Variants in AGAP1 observed in about 807,000 individuals in gnomAD.
AGAP1 encodes the protein ArfGAP with GTPase domain, ankyrin repeat and PH domain 1.
In AGAP1, 29 loss-of-function variants were observed where a neutral mutation model predicts 105.3. The ratio of observed to expected loss-of-function variants is 0.28; its 90% CI spans 0.21 to 0.38. The LOEUF is 0.38. Ranked by LOEUF, AGAP1 falls within the 10% of genes least tolerant of loss-of-function variation. The pLI is 1.00. For missense variants in AGAP1, 998 were observed against 1,165.1 expected, an observed-to-expected ratio of 0.86 and a Z score of 2.09; for synonymous variants, 509 against 485.9, an observed-to-expected ratio of 1.05 and a Z score of -0.63.
At chr2:236,108,669 C>T (rs2059566284) in intron 16 of AGAP1, among the ~76,000 whole-genome samples, 1 of 152,166 alleles carries the variant, frequency 6.6e-6, no homozygotes, top group Non-Finnish European at 1.5e-5. Context: ...CTGGAGTGCA[C>T]TTTCGGGAAG....
rs1020386716 is a variant in AGAP1, at chr2:235,875,412, C to T, written c.1051-7933C>T. Among the ~76,000 whole-genome samples, 1 of 152,138 alleles carries T rather than the reference C, an allele frequency of 6.6e-6. No homozygotes were observed. Among genetic ancestry groups the T allele is most frequent in the African/African-American group, 2.4e-5 (1 of 41,444 alleles). On this transcript the variant is annotated intron_variant, in intron 9 of 17. Transcript: ENST00000304032. This position sits in a 1 kb window ranked among gnomAD's most constrained non-coding sequence, Gnocchi z 4.0. Reference sequence around the variant, plus strand: ...CTGAGAGATCTGATTCCCAGCGGACCGGCCTTCCTCACTCGATGATTGTCA... The same window carrying T: ...CTGAGAGATCTGATTCCCAGCGGACTGGCCTTCCTCACTCGATGATTGTCA...
intron 1 of AGAP1, among the ~76,000 whole-genome samples, chr2:235,526,866 T>A (rs946870581): frequency 6.6e-6 from 1 of 152,140 alleles, no homozygotes; most frequent in African/African-American, 2.4e-5. Flanking sequence ...TGTGGGTGGG[T>A]TGTGTCCAGA....
At chr2:235,524,521 C>A (rs893659496) in intron 1 of AGAP1, 2 of 342,240 alleles carry the variant, frequency 5.8e-6, no homozygotes, top group Non-Finnish European at 6.2e-6. Context: ...GGCCACGGGG[C>A]TGCACCCAGC....
intron 16 of AGAP1, among the ~76,000 whole-genome samples, chr2:236,085,716 G>A (rs1205059393): frequency 6.6e-6 from 1 of 152,230 alleles, no homozygotes; most frequent in African/African-American, 2.4e-5. Context: ...ATTGCCCAGG[G>A]CATGACCAGG....
intron 1 of AGAP1, among the ~76,000 whole-genome samples, chr2:235,704,962 C>CTT (rs796721149): frequency 2.8e-3 from 239 of 85,914 alleles, no homozygotes; most frequent in South Asian, 0.01. Flanking sequence ...ATACAAGATG[C>CTT]TTTTTTCTTT....
At chr2:235,501,389 A>AT (rs1292788879) in intron 1 of AGAP1, among the ~76,000 whole-genome samples, 4 of 152,166 alleles carry the variant, frequency 2.6e-5, no homozygotes, top group Admixed American at 2.0e-4. Context: ...CACTTATTAT[A>AT]TGATAATTTG....
intron 1 of AGAP1, among the ~76,000 whole-genome samples, chr2:235,512,785 A>G (rs1050838990): frequency 5.3e-5 from 8 of 152,180 alleles, no homozygotes; most frequent in African/African-American, 1.7e-4. Context: ...CCTCCTGACC[A>G]TGTAACCTTT....
chr2:235,722,243 T>C (rs749101202), intron 3 of AGAP1, among the ~76,000 whole-genome samples: 11 of 152,176 alleles, frequency 7.2e-5, no homozygotes, highest in Admixed American at 1.3e-4. Flanking sequence ...ACAAACTGGC[T>C]TAAAACAGAA....
rs13427587 is a variant in AGAP1 at position 235,536,874 on chromosome 2, C to A, written c.163+42025C>A. On this transcript the variant is annotated intron_variant, in intron 1 of 17. Coordinates refer to ENST00000304032, the MANE Select transcript of AGAP1 (RefSeq NM_001037131.3). Reference sequence around the variant, plus strand: ...ACCTTTTCTTAGTTTCCAGGGACTGCGGCTTCCTTCCACCTCTCCCTTCCC... The same window carrying A: ...ACCTTTTCTTAGTTTCCAGGGACTGAGGCTTCCTTCCACCTCTCCCTTCCC... Among the ~76,000 whole-genome samples, 5 of 152,272 alleles carry A rather than the reference C, an allele frequency of 3.3e-5. No individual in the cohort carries two copies. The South Asian group carries it at 8.3e-4, about 25-fold the overall frequency.
At chr2:235,748,946 C>T (rs752823141) in intron 5 of AGAP1, among the ~76,000 whole-genome samples, 1 of 152,216 alleles carries the variant, frequency 6.6e-6, no homozygotes, top group African/African-American at 2.4e-5. Context: ...CAGTGGCTCA[C>T]GCCTGTAATC....
chr2:236,103,903 T>TGGCTCCTGTCCCCACCCTGCCC (rs2059421690), intron 16 of AGAP1, among the ~76,000 whole-genome samples: 1 of 152,222 alleles, frequency 6.6e-6, no homozygotes. Context: ...CCATCCTGTC[T>TGGCTCCTGTCCCCACCCTGCCC]GGCTCCTGTC....
chr2:235,685,783 C>G (rs1949348796), intron 1 of AGAP1, among the ~76,000 whole-genome samples: 1 of 151,980 alleles, frequency 6.6e-6, no homozygotes, highest in African/African-American at 2.4e-5. Flanking sequence ...TTTACTTTGC[C>G]AAGGTTGAGG....
At chr2:236,110,524 C>G (rs1239734666) in intron 16 of AGAP1, among the ~76,000 whole-genome samples, 1 of 152,234 alleles carries the variant, frequency 6.6e-6, no homozygotes, top group African/African-American at 2.4e-5. Flanking sequence ...GATTGCGCCA[C>G]TGCACTCTAG....
chr2:235,607,269 G>A (rs1400273498), intron 1 of AGAP1, among the ~76,000 whole-genome samples: 1 of 152,192 alleles, frequency 6.6e-6, no homozygotes, highest in Non-Finnish European at 1.5e-5. Flanking sequence ...TTTTGTTGAA[G>A]CCCGATGCAT....
intron 1 of AGAP1, among the ~76,000 whole-genome samples, chr2:235,706,805 A>G (rs963952921): frequency 6.6e-5 from 10 of 152,330 alleles, no homozygotes; most frequent in Admixed American, 2.6e-4. Flanking sequence ...TGGAGTCATC[A>G]TCATTGACCT....
intron 16 of AGAP1, among the ~76,000 whole-genome samples, chr2:236,085,893 C>G (rs1266047238): frequency 1.3e-5 from 2 of 152,262 alleles, no homozygotes; most frequent in Non-Finnish European, 2.9e-5. Context: ...TCAGTGATAG[C>G]AAATTCCAGC....
chr2:236,037,614 C>T (rs1175408908), intron 14 of AGAP1, among the ~76,000 whole-genome samples: 2 of 152,038 alleles, frequency 1.3e-5, no homozygotes. Flanking sequence ...CATCACGTTG[C>T]CCAGGCTGGT....
rs1368267657 is a variant in AGAP1, at chr2:235,733,660, A to C, written c.311-7303A>C. Among the ~76,000 whole-genome samples, 1 of 152,072 alleles carries C rather than the reference A, an allele frequency of 6.6e-6. No individual in the cohort carries two copies. The highest frequency in any genetic ancestry group is 1.5e-5 in the Non-Finnish European group (1 of 68,014). ...TTGTACCTTACTTAGATCTCGGTTA[A>C]ATGAAACCATGAGAGACCGTGGCCT... On this transcript the variant is annotated intron_variant, in intron 3 of 17. Coordinates refer to ENST00000304032, the MANE Select transcript of AGAP1 (RefSeq NM_001037131.3). This position sits in a 1 kb window ranked among gnomAD's most constrained non-coding sequence, Gnocchi z 5.0.
At chr2:236,025,552 T>A (rs1421787737) in intron 13 of AGAP1, among the ~76,000 whole-genome samples, 1 of 152,116 alleles carries the variant, frequency 6.6e-6, no homozygotes, top group Non-Finnish European at 1.5e-5. Flanking sequence ...ACTGTTTACA[T>A]AATGAGCGTA....
Sources: allele counts gnomAD v4.1 joint callset (sites outside exome capture counted in the v4.1 genomes callset), GRCh38; gene constraint gnomAD v4.1.1; non-coding constraint Gnocchi (gnomAD v3.1); transcripts MANE v1.5; gene names NCBI Gene and HGNC (gene_info 2026-07-23, HGNC 2026-07-21).